SYNE3: variants seen among roughly 807,000 people sequenced by gnomAD.
SYNE3 encodes the protein spectrin repeat containing nuclear envelope family member 3.
A neutral mutation model predicts 111.2 loss-of-function variants in SYNE3; 100 were observed. That is an observed-to-expected ratio of 0.90 (90% confidence interval 0.77 to 1.06). The LOEUF (loss-of-function observed/expected upper bound fraction) is 1.06, where lower values mean the gene tolerates loss of function less well. Ranked by LOEUF, SYNE3 falls within the 50% of genes least tolerant of loss-of-function variation. SYNE3 has a pLI of 0.00. For synonymous variants in SYNE3, 547 were observed against 533.9 expected, an observed-to-expected ratio of 1.02 and a Z score of -0.34; for missense variants, 1,160 against 1,240.3, an observed-to-expected ratio of 0.94 and a Z score of 0.97.
chr14:95,439,653 C>T lies in SYNE3; in HGVS notation c.2205G>A (p.Glu735=), dbSNP rs754579576. The T allele has an allele frequency of 3.1e-6, 5 of 1,613,740 alleles. No homozygotes were observed. The East Asian group carries it at 8.9e-5, about 29-fold the overall frequency. Reference sequence around the variant, plus strand: ...CCAGCAGCCTCAAGGCCCGCCACGACTCTGCCAGCTCCCTGAGCTCCTCCT... The same window carrying T: ...CCAGCAGCCTCAAGGCCCGCCACGATTCTGCCAGCTCCCTGAGCTCCTCCT... ...VVQEELRELA[E]SWRALRLLEE... The change falls in exon 13 of 18, where the codon GAG becomes GAA. Residue 735 remains glutamate (E), a synonymous_variant. Transcript: ENST00000682763.
intron 1 of SYNE3, among the ~76,000 whole-genome samples, chr14:95,492,156 AC>A (rs1305897592): frequency 6.6e-6 from 1 of 152,210 alleles, no homozygotes; most frequent in Non-Finnish European, 1.5e-5. Flanking sequence ...GGAAGTTGGA[AC>A]CCTTATATGC....
chr14:95,469,678 T>C (rs1378030356), intron 2 of SYNE3, among the ~76,000 whole-genome samples: 1 of 151,466 alleles, frequency 6.6e-6, no homozygotes, highest in Non-Finnish European at 1.5e-5. Context: ...ACCACTACGC[T>C]CCAGCCTGGG....
At position 95,466,067 on chromosome 14, in the gene SYNE3, T is replaced by C. The variant is rs367890381; in HGVS notation, c.491A>G (p.Asp164Gly). The change falls in exon 4 of 18, where the codon GAC becomes GGC. Residue 164 changes from aspartate (D) to glycine (G), a missense_variant. Transcript: ENST00000682763. ...CCGGTCCAGGAGCACCGCCTGGTTG[T>C]CCACGTTGTGCAGCAGCACCTGGGC... Reference protein sequence around the residue: ...SHAQVLLHNVDNQAVLLDRLL... With the variant: ...SHAQVLLHNVGNQAVLLDRLL... 1.9e-6 allele frequency: 3 copies of C among 1,613,360 alleles called. No homozygotes were observed. The African/African-American group carries it at 4.0e-5, about 22-fold the overall frequency.
chr14:95,460,624 G>A (rs1284736229), intron 4 of SYNE3, among the ~76,000 whole-genome samples: 2 of 94,378 alleles, frequency 2.1e-5, no homozygotes, highest in Non-Finnish European at 4.0e-5. Context: ...TGAAAGTGGA[G>A]CAAGCGAGGG....
At chr14:95,422,107 T>C (rs1444294812) in intron 17 of SYNE3, among the ~76,000 whole-genome samples, 3 of 152,156 alleles carry the variant, frequency 2.0e-5, no homozygotes, top group Non-Finnish European at 1.5e-5. Context: ...AATGAAACCA[T>C]GAATATAAGG....
At position 95,487,640 on chromosome 14, in the gene SYNE3, C is replaced by T. The variant is rs189706446; in HGVS notation, c.-14-11805G>A. Reference sequence around the variant, plus strand: ...GATATACACCTATAAAGCCAACACCCGTCCATAAAATGAACATACCCGCCT... The same window carrying T: ...GATATACACCTATAAAGCCAACACCTGTCCATAAAATGAACATACCCGCCT... On this transcript the variant is annotated intron_variant, in intron 1 of 17. Transcript: ENST00000682763. 1.6e-3 allele frequency among the ~76,000 whole-genome samples: 248 copies of T among 152,284 alleles called. 1 individual carries two copies. Among genetic ancestry groups the T allele is most frequent in the African/African-American group, 5.6e-3 (233 of 41,554 alleles).
At chr14:95,495,298 G>A (rs1033966777) in intron 1 of SYNE3, among the ~76,000 whole-genome samples, 6 of 152,160 alleles carry the variant, frequency 3.9e-5, no homozygotes, top group Admixed American at 6.5e-5. Flanking sequence ...ATGCCCAGCC[G>A]GGCCCACCTT....
Position 95,446,061 on chromosome 14 carries a change from C to T in SYNE3, c.1480G>A (p.Glu494Lys). The T allele has an allele frequency of 6.2e-7, 1 of 1,614,150 alleles. No individual in the cohort carries two copies. Among genetic ancestry groups the T allele is most frequent in the Non-Finnish European group, 8.5e-7 (1 of 1,180,036 alleles). ...TTCAGCTGCAGCATCGTCAGCAGCTCTTTCAGGCGGGAGCTTTCCATCAGG... is the reference window on the plus strand; with the variant it reads ...TTCAGCTGCAGCATCGTCAGCAGCTTTTTCAGGCGGGAGCTTTCCATCAGG... ...AALMESSRLK[E>K]LLTMLQLKKD... Residue 494 changes from glutamate to lysine, a missense_variant, in exon 9 of 18, where the codon GAG becomes AAG. Coordinates refer to ENST00000682763, the MANE Select transcript of SYNE3 (RefSeq NM_152592.6).
In SYNE3 at chr14:95,466,108, C is replaced by T; in HGVS notation, c.450G>A (p.Gln150=). The change falls in exon 4 of 18, where the codon CAG becomes CAA. Residue 150 remains glutamine (Q), a synonymous_variant. Transcript: ENST00000682763. ...GCACCTGGGCGTGGCTCAGCTGCCA[C>T]TGCTTCTCCTTCAGGCCCAGCTGGA... The part of the protein sequence containing the change: ...IELQLGLKEK[Q]WQLSHAQVLL... 3 of 1,613,002 alleles carry T rather than the reference C, an allele frequency of 1.9e-6. No homozygotes were observed. The highest frequency in any genetic ancestry group is 2.5e-6 in the Non-Finnish European group (3 of 1,179,042).
intron 1 of SYNE3, among the ~76,000 whole-genome samples, chr14:95,498,180 T>TTTTG (rs141124986): frequency 6.6e-6 from 1 of 152,038 alleles, no homozygotes; most frequent in Admixed American, 6.5e-5. Context: ...ATTAAAAGAT[T>TTTTG]TTTGTTTGTT....
rs1317656248 is a variant in SYNE3, at chr14:95,445,945, C to T, written c.1596G>A (p.Leu532=). The T allele has an allele frequency of 3.7e-6, 6 of 1,613,984 alleles. No homozygotes were observed. The highest frequency in any genetic ancestry group is 1.3e-5 in the African/African-American group (1 of 74,948). ...TTTTCCTCTGCAGGAGGCTGTTATG[C>T]AGCAGGTCTCTGTCCCTCATGGAAC... ...VAGSMRDRDL[L]HNSLLQRKSK... is the part of the protein sequence containing the mutation. Residue 532 remains leucine (L), a synonymous_variant, in exon 9 of 18, where the codon CTG becomes CTA. Transcript: ENST00000682763.
chr14:95,510,415 C>T (rs1237175048), intron 1 of SYNE3, among the ~76,000 whole-genome samples: 2 of 152,218 alleles, frequency 1.3e-5, no homozygotes, highest in Non-Finnish European at 2.9e-5. Context: ...ACACAGGTCT[C>T]TTTGAGCCCT....
chr14:95,510,188 A>T (rs530640930), intron 1 of SYNE3, among the ~76,000 whole-genome samples: 1 of 152,296 alleles, frequency 6.6e-6, no homozygotes, highest in South Asian at 2.1e-4. Context: ...GTCCTTACTA[A>T]GCCCTGCCCC....
chr14:95,457,084 CAAAAAA>C (rs55934257), intron 5 of SYNE3, 87 bp downstream of exon 5: 360 of 1,233,304 alleles, frequency 2.9e-4, no homozygotes, highest in Middle Eastern at 9.1e-4. Context: ...GACTCCATCT[CAAAAAA>C]AAAAAAAAAA....
intron 1 of SYNE3, among the ~76,000 whole-genome samples, chr14:95,513,269 C>T (rs945825966): frequency 1.3e-5 from 2 of 152,150 alleles, no homozygotes; most frequent in Non-Finnish European, 2.9e-5. Context: ...CTATGTGTCA[C>T]TAAACAACTC....
Position 95,411,860 on chromosome 14 carries a change from G to A in SYNE3, c.*5966C>T, listed in dbSNP as rs1566949412. ...GGGCAAGAGATTATCCTTGAGCATGGACACGCCAACCCAGATGATCCCCAG... is the reference window on the plus strand; with the variant it reads ...GGGCAAGAGATTATCCTTGAGCATGAACACGCCAACCCAGATGATCCCCAG... On this transcript the variant is annotated 3_prime_UTR_variant, in exon 18 of 18. Transcript: ENST00000682763. The A allele has an allele frequency of 6.6e-6, 1 of 152,282 alleles. No individual in the cohort carries two copies. Among genetic ancestry groups the A allele is most frequent in the Non-Finnish European group, 1.5e-5 (1 of 68,078 alleles). The allele number at this position is 152,282 out of a possible 1,614,324, so 9.4% of individuals were successfully genotyped here.
chr14:95,468,377 C>T (rs540922449), intron 2 of SYNE3, among the ~76,000 whole-genome samples: 15 of 152,306 alleles, frequency 9.8e-5, no homozygotes, highest in East Asian at 1.9e-4. Flanking sequence ...CAGTGTGCAG[C>T]GTGAGCATCT....
chr14:95,469,064 C>T (rs1370371375), intron 2 of SYNE3, among the ~76,000 whole-genome samples: 1 of 152,204 alleles, frequency 6.6e-6, no homozygotes, highest in Non-Finnish European at 1.5e-5. Context: ...CACCGCAACC[C>T]AGTCACTACC....
chr14:95,506,400 C>T (rs909235267), intron 1 of SYNE3, among the ~76,000 whole-genome samples: 6 of 152,238 alleles, frequency 3.9e-5, no homozygotes, highest in Non-Finnish European at 5.9e-5. Flanking sequence ...GGTCTGCACC[C>T]TGTATACCTC....
Sources: gnomAD v4.1 joint callset for allele counts (sites outside exome capture counted in the v4.1 genomes callset) on GRCh38, gnomAD v4.1.1 for gene constraint, MANE v1.5 for transcripts, NCBI Gene and HGNC (gene_info 2026-07-23, HGNC 2026-07-21) for gene names.